GLTP: variants seen among roughly 807,000 people sequenced by gnomAD.
GLTP encodes the protein glycolipid transfer protein.
Under a neutral mutation model 24.0 loss-of-function variants are expected in GLTP, and 22 were observed. The observed-to-expected ratio is 0.92, with a 90% CI of 0.65 to 1.31. The LOEUF (loss-of-function observed/expected upper bound fraction) is 1.31, where lower values mean the gene tolerates loss of function less well. GLTP is among the 50% of genes most tolerant of loss of function. GLTP has a pLI of 0.00. For synonymous variants in GLTP, 92 were observed against 115.9 expected (o/e 0.79, Z 1.33); for missense variants, 224 against 276.6 (o/e 0.81, Z 1.35).
At chr12:109,876,686 GAAGA>G (rs1868894550) in intron 1 of GLTP, among the ~76,000 whole-genome samples, 1 of 151,484 alleles carries the variant, frequency 6.6e-6, no homozygotes, top group Non-Finnish European at 1.5e-5. Context: ...GAAGGAAAAG[GAAGA>G]AAGAAAAGGA....
At chr12:109,859,293 G>C (rs564796764) in intron 1 of GLTP, among the ~76,000 whole-genome samples, 1 of 152,362 alleles carries the variant, frequency 6.6e-6, no homozygotes, top group African/African-American at 2.4e-5. Flanking sequence ...GCCGAGGCGG[G>C]TGGATCACTT....
intron 1 of GLTP, among the ~76,000 whole-genome samples, chr12:109,878,141 C>A (rs1028424451): frequency 6.6e-6 from 1 of 152,218 alleles, no homozygotes; most frequent in Non-Finnish European, 1.5e-5. Flanking sequence ...AGGAGATGCT[C>A]TTTAGCCCTG....
chr12:109,879,982 G>A lies in GLTP; in HGVS notation c.103+290C>T, dbSNP rs146987673. ...AGATGGAAGATCATCCGTGTTGGGGGCACGGATGATCAGGGGGCATTTGGG... is the reference window on the plus strand; with the variant it reads ...AGATGGAAGATCATCCGTGTTGGGGACACGGATGATCAGGGGGCATTTGGG... On this transcript the variant is annotated intron_variant, in intron 1 of 4. Coordinates refer to ENST00000318348, the MANE Select transcript of GLTP (RefSeq NM_016433.4). Among the ~76,000 whole-genome samples the A allele has an allele frequency of 2.1e-4, 32 of 152,044 alleles. No individual in the cohort carries two copies. In the East Asian group the frequency reaches 2.1e-3, roughly 10 times the overall value.
chr12:109,853,593 C>A (rs1892755313), intron 4 of GLTP, among the ~76,000 whole-genome samples: 1 of 149,394 alleles, frequency 6.7e-6, no homozygotes, highest in Non-Finnish European at 1.5e-5. Flanking sequence ...GAGGCTGAGG[C>A]AGGAGAATTG....
intron 1 of GLTP, among the ~76,000 whole-genome samples, chr12:109,879,957 A>G (rs78846389): frequency 0.052 from 7,879 of 151,354 alleles, 302 homozygotes; most frequent in East Asian, 0.12. Context: ...TGCCTAAGGG[A>G]GATGGAAGAT....
intron 4 of GLTP, 101 bp from the exon 5 acceptor site, chr12:109,852,838 C>T: frequency 1.4e-6 from 1 of 711,062 alleles, no homozygotes; most frequent in South Asian, 1.7e-5. Context: ...TGGGTCTGTG[C>T]TGGACAGGGG....
intron 1 of GLTP, among the ~76,000 whole-genome samples, chr12:109,879,579 A>G (rs1868997200): frequency 6.6e-6 from 1 of 152,056 alleles, no homozygotes; most frequent in Non-Finnish European, 1.5e-5. Flanking sequence ...CTCACAAAAC[A>G]GCTCCCCCGA....
chr12:109,873,582 C>T (rs956257672), intron 1 of GLTP, among the ~76,000 whole-genome samples: 2 of 143,006 alleles, frequency 1.4e-5, no homozygotes, highest in African/African-American at 2.6e-5. Context: ...TGCAGTGAGC[C>T]GAGATCGTGC....
In GLTP at chr12:109,853,923, T is replaced by A. The variant is rs948855324; in HGVS notation, c.448-1186A>T. Among the ~76,000 whole-genome samples the A allele has an allele frequency of 2.0e-5, 3 of 151,442 alleles. No individual in the cohort carries two copies. In the South Asian group the frequency reaches 6.2e-4, roughly 31 times the overall value. ...ATGCCCAGCTAATTTTTTGTATTTTTAGTAGAGATGGTGTTTTACTATATT... is the reference window on the plus strand; with the variant it reads ...ATGCCCAGCTAATTTTTTGTATTTTAAGTAGAGATGGTGTTTTACTATATT... On this transcript the variant is annotated intron_variant, in intron 4 of 4. Transcript: ENST00000318348.
chr12:109,874,220 C>T (rs1868814105), intron 1 of GLTP, among the ~76,000 whole-genome samples: 1 of 152,204 alleles, frequency 6.6e-6, no homozygotes, highest in Admixed American at 6.5e-5. Context: ...TCTGGCTTTA[C>T]TGGTCACTCA....
rs1414361350 is a variant in GLTP, at chr12:109,852,154, G to A, written c.*401C>T. 5.8e-5 allele frequency: 9 copies of A among 156,286 alleles called. No homozygotes were observed. Among genetic ancestry groups the A allele is most frequent in the African/African-American group, 1.7e-4 (7 of 41,492 alleles). 9.7% of individuals were successfully genotyped at this position (156,286 alleles called of 1,614,324 possible). On this transcript the variant is annotated 3_prime_UTR_variant, in exon 5 of 5. Coordinates refer to ENST00000318348, the MANE Select transcript of GLTP (RefSeq NM_016433.4). ...GTGAGCCACGGTGCCCAGCCATCAT[G>A]TGCTTATTTTTAAAGCGAGGTGGAT...
In GLTP at chr12:109,876,031, T is replaced by C. The variant is rs1001343859; in HGVS notation, c.103+4241A>G. Among the ~76,000 whole-genome samples, 140 of 152,308 alleles carry C rather than the reference T, an allele frequency of 9.2e-4. 1 individual carries two copies. The highest frequency in any genetic ancestry group is 3.2e-3 in the African/African-American group (133 of 41,554). The stretch of plus-strand genomic sequence containing the variant: ...GTCCAACAGTAGGGGCTTGGTTTAA[T>C]AAATTATACCACATTGAGATGATAC... On this transcript the variant is annotated intron_variant, in intron 1 of 4. Coordinates refer to ENST00000318348, the MANE Select transcript of GLTP (RefSeq NM_016433.4).
intron 1 of GLTP, among the ~76,000 whole-genome samples, chr12:109,869,317 AAAAGAAAG>A (rs1214165499): frequency 1.1e-4 from 15 of 136,776 alleles, no homozygotes; most frequent in East Asian, 2.2e-4. Context: ...AAAAAAAAAA[AAAAGAAAG>A]AAAGAAAGAA....
In GLTP at chr12:109,851,262, G is replaced by A. The variant is rs979094639; in HGVS notation, c.*1293C>T. The A allele has an allele frequency of 2.6e-5, 4 of 152,510 alleles. No individual in the cohort carries two copies. Among genetic ancestry groups the A allele is most frequent in the African/African-American group, 7.2e-5 (3 of 41,430 alleles). The allele number at this position is 152,510 out of a possible 1,614,324, so 9.4% of individuals were successfully genotyped here. A position where few individuals can be genotyped will look rare whatever the true frequency, so the allele number is the denominator to read the frequency against. ...AATAATTCTGCAGAAGAATGCAAACGGAGTCATCTATGGTCAATTGTTTGT... is the reference window on the plus strand; with the variant it reads ...AATAATTCTGCAGAAGAATGCAAACAGAGTCATCTATGGTCAATTGTTTGT... On this transcript the variant is annotated 3_prime_UTR_variant, in exon 5 of 5. Coordinates refer to ENST00000318348, the MANE Select transcript of GLTP (RefSeq NM_016433.4).
intron 1 of GLTP, 115 bp from the exon 2 acceptor site, chr12:109,858,856 T>C: frequency 1.3e-6 from 1 of 744,486 alleles, no homozygotes; most frequent in South Asian, 1.5e-5. Flanking sequence ...CGGGGAGAGC[T>C]GAGTTGTTCT....
At chr12:109,866,488 G>A (rs1010316942) in intron 1 of GLTP, 4 of 152,150 alleles carry the variant, frequency 2.6e-5, no homozygotes, top group Non-Finnish European at 4.4e-5. Flanking sequence ...TGGGACTACA[G>A]GTGTGCACCA....
rs769773157 is a variant in GLTP at position 109,880,311 on chromosome 12, G to T, written c.64C>A (p.Pro22Thr). The T allele has an allele frequency of 6.2e-7, 1 of 1,606,222 alleles. No individual in the cohort carries two copies. The highest frequency in any genetic ancestry group is 8.5e-7 in the Non-Finnish European group (1 of 1,177,736). Residue 22 changes from proline (P) to threonine (T), a missense_variant, in exon 1 of 5, where the codon CCC (proline) becomes ACC (threonine). Physicochemically the swap from Pro to Thr is conservative, Grantham distance 38. Transcript: ENST00000318348. This position sits in a 1 kb window ranked among gnomAD's most constrained non-coding sequence, Gnocchi z 5.1. ...LPADKQIETG[P>T]FLEAVSHLPP... ...AGGTGGGACACCGCCTCGAGGAAGG[G>T]CCCGGTCTCGATCTGCTTGTCCGCG... is the stretch of plus-strand genomic sequence containing the variant.
Position 109,851,108 on chromosome 12 carries a change from G to A in GLTP, c.*1447C>T, listed in dbSNP as rs995538726. On this transcript the variant is annotated 3_prime_UTR_variant, in exon 5 of 5. Coordinates refer to ENST00000318348, the MANE Select transcript of GLTP (RefSeq NM_016433.4). ...AAAATACAGCTCTTTTTAGCGCCAG[G>A]AAGAACAGTTAAGGTTAAGGCAGTG... is the stretch of plus-strand genomic sequence containing the variant. 1.3e-5 allele frequency: 2 copies of A among 152,558 alleles called. No individual in the cohort carries two copies. The highest frequency in any genetic ancestry group is 4.8e-5 in the African/African-American group (2 of 41,430). 9.5% of individuals were successfully genotyped at this position (152,558 alleles called of 1,614,324 possible). A position where few individuals can be genotyped will look rare whatever the true frequency, so the allele number is the denominator to read the frequency against.
intron 3 of GLTP, among the ~76,000 whole-genome samples, chr12:109,856,498 C>T (rs1257466518): frequency 6.6e-6 from 1 of 152,150 alleles, no homozygotes; most frequent in African/African-American, 2.4e-5. Flanking sequence ...CACTGAGGCT[C>T]CCCTAGAAAG....
Sources: gnomAD v4.1 joint callset for allele counts (sites outside exome capture counted in the v4.1 genomes callset) on GRCh38, gnomAD v4.1.1 for gene constraint, Gnocchi (gnomAD v3.1) non-coding constraint, MANE v1.5 for transcripts, NCBI Gene and HGNC (gene_info 2026-07-23, HGNC 2026-07-21) for gene names.